ZFYVE28: variants seen among roughly 807,000 people sequenced by gnomAD.
ZFYVE28 encodes the protein zinc finger FYVE-type containing 28, also known as lateral signaling target protein 2 homolog.
Under a neutral mutation model 82.1 loss-of-function variants are expected in ZFYVE28, and 40 were observed. The observed-to-expected ratio is 0.49, with a 90% CI of 0.38 to 0.63. ZFYVE28 has a LOEUF of 0.63. Ranked by LOEUF, ZFYVE28 falls within the 30% of genes least tolerant of loss-of-function variation. ZFYVE28 has a pLI of 0.00. For synonymous variants in ZFYVE28, 612 were observed against 546.1 expected, an observed-to-expected ratio of 1.12 and a Z score of -1.68; for missense variants, 1,321 against 1,242.1, an observed-to-expected ratio of 1.06 and a Z score of -0.96.
intron 5 of ZFYVE28, among the ~76,000 whole-genome samples, chr4:2,336,756 TGAGGTGAGGAGTGAGGAGGTGAG>T (rs1327753907): frequency 1.0e-5 from 1 of 97,324 alleles, no homozygotes; most frequent in Non-Finnish European, 2.1e-5. Context: ...TGAGGAATGA[TGAGGTGAGGAGTGAGGAGGTGAG>T]GAGGTGAGGA....
chr4:2,283,100 T>TCATCCATCCATCCATCCATCCATC (rs60881791), intron 8 of ZFYVE28, among the ~76,000 whole-genome samples: 42 of 148,022 alleles, frequency 2.8e-4, no homozygotes, highest in African/African-American at 9.3e-4. Context: ...CTTGTAAAAG[T>TCATCCATCCATCCATCCATCCATC]CATCCATCCA....
At chr4:2,346,119 G>C (rs910091285) in intron 2 of ZFYVE28, among the ~76,000 whole-genome samples, 2 of 151,180 alleles carry the variant, frequency 1.3e-5, no homozygotes, top group East Asian at 3.9e-4. Flanking sequence ...ACAAGGTCAG[G>C]AGATCGAGAC....
intron 1 of ZFYVE28, among the ~76,000 whole-genome samples, chr4:2,358,982 T>C (rs1725735056): frequency 6.7e-6 from 1 of 149,212 alleles, no homozygotes; most frequent in Non-Finnish European, 1.5e-5. Flanking sequence ...TTTCTTTTTT[T>C]TTTTTTTTTT....
chr4:2,303,149 C>G (rs942461305), intron 8 of ZFYVE28, among the ~76,000 whole-genome samples: 1 of 152,138 alleles, frequency 6.6e-6, no homozygotes, highest in Non-Finnish European at 1.5e-5. Flanking sequence ...CAGGAAAGAG[C>G]TGCAGGGAGG....
At chr4:2,355,205 T>A (rs1222210758) in intron 1 of ZFYVE28, among the ~76,000 whole-genome samples, 6 of 514 alleles carry the variant, frequency 0.012, no homozygotes, top group Admixed American at 0.021. Context: ...TGAAAATATA[T>A]ATATATATAT....
At chr4:2,293,224 T>C (rs921424824) in intron 8 of ZFYVE28, among the ~76,000 whole-genome samples, 2 of 152,178 alleles carry the variant, frequency 1.3e-5, no homozygotes, top group African/African-American at 2.4e-5. Context: ...TACTGAATGC[T>C]TGGGAATAAG....
chr4:2,330,603 G>A lies in ZFYVE28; in HGVS notation c.701+5102C>T, dbSNP rs541494496. On this transcript the variant is annotated intron_variant, in intron 6 of 12. Coordinates refer to ENST00000290974, the MANE Select transcript of ZFYVE28 (RefSeq NM_020972.3). ...GGAGAATGGGATAGCATAGAGGAGG[G>A]AACAGCATAGACAAGGGGACAGCAT... The A allele has an allele frequency of 5.2e-4, 681 of 1,299,022 alleles. 2 individuals are homozygous for A. The highest frequency in any genetic ancestry group is 2.1e-3 in the Admixed American group (59 of 28,570). The allele number at this position is 1,299,022 out of a possible 1,614,324, so 80.5% of individuals were successfully genotyped here.
chr4:2,297,548 G>A (rs187361528), intron 8 of ZFYVE28, among the ~76,000 whole-genome samples: 15 of 152,362 alleles, frequency 9.8e-5, no homozygotes, highest in East Asian at 9.6e-4. Context: ...AGCTGTCACC[G>A]CCAGAAGAGC....
chr4:2,392,931 G>C (rs1352027428), intron 1 of ZFYVE28, among the ~76,000 whole-genome samples: 1 of 152,206 alleles, frequency 6.6e-6, no homozygotes, highest in Non-Finnish European at 1.5e-5. Context: ...TGTCCATGTA[G>C]AATCGACCCT....
In ZFYVE28 at chr4:2,341,427, C is replaced by G; in HGVS notation, c.318+51G>C. 1 of 1,604,986 alleles carries G rather than the reference C, an allele frequency of 6.2e-7. No individual in the cohort carries two copies. The highest frequency in any genetic ancestry group is 8.5e-7 in the Non-Finnish European group (1 of 1,177,004). On this transcript the variant is annotated intron_variant, in intron 3 of 12. Coordinates refer to ENST00000290974, the MANE Select transcript of ZFYVE28 (RefSeq NM_020972.3). This position sits in a 1 kb window ranked among gnomAD's most constrained non-coding sequence, Gnocchi z 4.5. ...ATGCACAAGGTTCGCAGGGACTTGG[C>G]TAGACGCCACCCCACATCAGGACCT... is the stretch of plus-strand genomic sequence containing the variant.
chr4:2,284,424 C>T (rs774740100), intron 8 of ZFYVE28, among the ~76,000 whole-genome samples: 5 of 152,116 alleles, frequency 3.3e-5, no homozygotes, highest in Non-Finnish European at 5.9e-5. Flanking sequence ...GAGGAGAGCG[C>T]GACGGGGCAC....
rs145623293 is a variant in ZFYVE28, at chr4:2,392,854, T to C, written c.39+25431A>G. On this transcript the variant is annotated intron_variant, in intron 1 of 12. Transcript: ENST00000290974. ...GTCGAGAGGCTCAGCTTTGGCCCTG[T>C]GAGTTTAATGAGAATCGCACTTCAC... is the stretch of plus-strand genomic sequence containing the variant. Among the ~76,000 whole-genome samples the C allele has an allele frequency of 8.9e-3, 1,349 of 152,312 alleles. 8 individuals are homozygous for C. Among genetic ancestry groups the C allele is most frequent in the South Asian group, 0.023 (113 of 4,822 alleles).
rs905326449 is a variant in ZFYVE28, at chr4:2,320,332, G to A, written c.702-61C>T. On this transcript the variant is annotated intron_variant, in intron 6 of 12. Coordinates refer to ENST00000290974, the MANE Select transcript of ZFYVE28 (RefSeq NM_020972.3). The surrounding 1 kb of genome is among the most constrained non-coding windows in gnomAD (Gnocchi z 5.1). ...CTGTGGCCCCCTGGGTGCCGCGGAC[G>A]GCCCAACTTAACCACCTGCGAAAAC... 60 of 1,519,172 alleles carry A rather than the reference G, an allele frequency of 3.9e-5. No individual in the cohort carries two copies. The highest frequency in any genetic ancestry group is 2.6e-4 in the South Asian group (22 of 84,426). The allele number at this position is 1,519,172 out of a possible 1,614,324, so 94.1% of individuals were successfully genotyped here.
At chr4:2,274,248 G>A in intron 8 of ZFYVE28, 32 bp from the exon 9 acceptor site, 1 of 1,601,564 alleles carries the variant, frequency 6.2e-7, no homozygotes, top group Non-Finnish European at 8.5e-7. Context: ...GGTGTGTGGG[G>A]TGGGGCATGA....
intron 7 of ZFYVE28, among the ~76,000 whole-genome samples, chr4:2,309,660 G>C (rs775044410): frequency 1.8e-4 from 28 of 152,088 alleles, no homozygotes; most frequent in South Asian, 4.1e-4. Flanking sequence ...GCACTTGCTG[G>C]GCCAGAAAAC....
At position 2,357,788 on chromosome 4, in the gene ZFYVE28, C is replaced by T. The variant is rs74448253; in HGVS notation, c.40-3715G>A. ...ACAACACCTCCTGGAAGCTAAATCT[C>T]GGCTCTGAGAAAGAGGACACGAGCA... On this transcript the variant is annotated intron_variant, in intron 1 of 12. Transcript: ENST00000290974. Among the ~76,000 whole-genome samples the T allele has an allele frequency of 2.4e-3, 366 of 152,266 alleles. 9 individuals carry two copies. In the East Asian group the frequency reaches 0.059, roughly 24 times the overall value.
At chr4:2,271,438 C>T (rs746481968) in intron 11 of ZFYVE28, 24 bp from the exon 12 acceptor site, 2 of 1,608,104 alleles carry the variant, frequency 1.2e-6, no homozygotes, top group Admixed American at 3.4e-5. Context: ...AGCAGCGTCA[C>T]ATCAGCGACG....
intron 1 of ZFYVE28, among the ~76,000 whole-genome samples, chr4:2,399,921 G>A (rs769525610): frequency 3.6e-4 from 55 of 152,338 alleles, no homozygotes; most frequent in Non-Finnish European, 5.7e-4. Context: ...AGGGCAGGGC[G>A]CCCACCGTGG....
intron 1 of ZFYVE28, among the ~76,000 whole-genome samples, chr4:2,368,220 A>AAAAAAAAAAAAC (rs1553856559): frequency 6.7e-6 from 1 of 149,206 alleles, no homozygotes; most frequent in Non-Finnish European, 1.5e-5. Flanking sequence ...ACAAAAAAAA[A>AAAAAAAAAAAAC]AAAAAAAAAA....
Sources: allele counts gnomAD v4.1 joint callset (sites outside exome capture counted in the v4.1 genomes callset), GRCh38; gene constraint gnomAD v4.1.1; non-coding constraint Gnocchi (gnomAD v3.1); transcripts MANE v1.5; gene names NCBI Gene and HGNC (gene_info 2026-07-23, HGNC 2026-07-21).